ICA1L: variants seen among roughly 807,000 people sequenced by gnomAD.
ICA1L encodes the protein islet cell autoantigen 1-like protein.
Under a neutral mutation model 61.3 loss-of-function variants are expected in ICA1L, and 50 were observed. The ratio of observed to expected loss-of-function variants is 0.82; its 90% CI spans 0.65 to 1.03. The LOEUF is 1.03. Ranked by LOEUF, ICA1L falls within the 50% of genes least tolerant of loss-of-function variation. The pLI, the probability that ICA1L is intolerant of heterozygous loss-of-function variation, is 0.00. For missense variants in ICA1L, 508 were observed against 556.7 expected, an observed-to-expected ratio of 0.91 and a Z score of 0.88; for synonymous variants, 161 against 191.3, an observed-to-expected ratio of 0.84 and a Z score of 1.31.
intron 11 of ICA1L, among the ~76,000 whole-genome samples, chr2:202,787,987 C>T (rs901595871): frequency 1.3e-5 from 2 of 152,186 alleles, no homozygotes; most frequent in African/African-American, 2.4e-5. Flanking sequence ...AGAAGCAACA[C>T]AAGCACAGAT....
intron 1 of ICA1L, among the ~76,000 whole-genome samples, chr2:202,846,524 C>T (rs1161258304): frequency 6.6e-6 from 1 of 152,044 alleles, no homozygotes; most frequent in Non-Finnish European, 1.5e-5. Flanking sequence ...GATTAATTTG[C>T]CAGAGTGGTT....
intron 3 of ICA1L, among the ~76,000 whole-genome samples, chr2:202,823,078 T>C (rs1693742044): frequency 6.6e-6 from 1 of 152,226 alleles, no homozygotes; most frequent in Non-Finnish European, 1.5e-5. Context: ...CTTTGAGTAC[T>C]TGGAATACTT....
At chr2:202,866,444 T>C (rs992813875) in intron 1 of ICA1L, among the ~76,000 whole-genome samples, 2 of 152,146 alleles carry the variant, frequency 1.3e-5, no homozygotes, top group Non-Finnish European at 2.9e-5. Flanking sequence ...TCTTTATAAA[T>C]TACGCAGTCT....
chr2:202,862,042 G>A (rs138196148), intron 1 of ICA1L, among the ~76,000 whole-genome samples: 2 of 141,692 alleles, frequency 1.4e-5, no homozygotes, highest in East Asian at 2.1e-4. Flanking sequence ...TTTTCCCTAA[G>A]AGTAACTGGA....
At chr2:202,815,819 A>G (rs1693516285) in intron 7 of ICA1L, 92 bp downstream of exon 7, 1 of 723,266 alleles carries the variant, frequency 1.4e-6, no homozygotes. Flanking sequence ...TAAATTTTAA[A>G]TTAACCTTGG....
At chr2:202,853,599 A>T (rs1694691834) in intron 1 of ICA1L, among the ~76,000 whole-genome samples, 3 of 152,098 alleles carry the variant, frequency 2.0e-5, no homozygotes, top group East Asian at 3.9e-4. Context: ...AAATTTTTGC[A>T]ATCTACTCAT....
At chr2:202,833,002 C>T (rs1262563190) in intron 1 of ICA1L, among the ~76,000 whole-genome samples, 3 of 151,964 alleles carry the variant, frequency 2.0e-5, no homozygotes, top group East Asian at 3.9e-4. Context: ...ATCCAATAAG[C>T]TAAATGACAA....
chr2:202,828,781 T>G, intron 2 of ICA1L, 67 bp downstream of exon 2: 1 of 1,289,856 alleles, frequency 7.8e-7, no homozygotes, highest in Non-Finnish European at 1.1e-6. Context: ...TGAAAACCTG[T>G]TGCAGTTCCC....
chr2:202,786,417 C>T (rs1053818653), intron 11 of ICA1L, among the ~76,000 whole-genome samples: 3 of 151,788 alleles, frequency 2.0e-5, no homozygotes, highest in Admixed American at 2.0e-4. Flanking sequence ...GGCGCGGTGG[C>T]GGGCGCCTGT....
intron 1 of ICA1L, among the ~76,000 whole-genome samples, chr2:202,834,489 C>T (rs1231292474): frequency 1.3e-5 from 2 of 151,856 alleles, no homozygotes; most frequent in African/African-American, 2.4e-5. Flanking sequence ...ATTAGCTGGG[C>T]GTGGTGCAAG....
At chr2:202,847,703 A>ACATATATATATATATATATATATG (rs71409807) in intron 1 of ICA1L, among the ~76,000 whole-genome samples, 1 of 131,234 alleles carries the variant, frequency 7.6e-6, no homozygotes, top group African/African-American at 2.9e-5. Context: ...AATTATATAT[A>ACATATATATATATATATATATATG]TATATAGTTA....
chr2:202,823,846 T>C, intron 3 of ICA1L, among the ~76,000 whole-genome samples: 1 of 152,222 alleles, frequency 6.6e-6, no homozygotes, highest in East Asian at 1.9e-4. Context: ...ACATTGTCTC[T>C]CTTTTTGTGC....
At chr2:202,813,056 C>T (rs1418283721) in intron 8 of ICA1L, among the ~76,000 whole-genome samples, 3 of 151,966 alleles carry the variant, frequency 2.0e-5, no homozygotes, top group Non-Finnish European at 4.4e-5. Context: ...GTCAGGAGTT[C>T]GAGACCAGCC....
At chr2:202,841,558 G>A in intron 1 of ICA1L, 1 of 710,516 alleles carries the variant, frequency 1.4e-6, no homozygotes, top group Non-Finnish European at 2.6e-6. Context: ...GGCTCAGCAG[G>A]CTCTGGTTGA....
At position 202,773,885 on chromosome 2, in the gene ICA1L, TA is replaced by T; in HGVS notation, c.*5647del. 1.6e-6 allele frequency: 2 copies of T among 1,283,328 alleles called. No homozygotes were observed. Among genetic ancestry groups the T allele is most frequent in the Non-Finnish European group, 2.3e-6 (2 of 884,426 alleles). The allele number at this position is 1,283,328 out of a possible 1,614,324, so 79.5% of individuals were successfully genotyped here. ...CAGAGGCTGAGTGGAACAGTCCTGC[TA>T]AATAAACCAGTGGAATAAGAACAGT... is the stretch of plus-strand genomic sequence containing the variant. On this transcript the variant is annotated 3_prime_UTR_variant, in exon 13 of 13. Transcript: ENST00000358299.
chr2:202,807,086 C>T (rs548605851), intron 9 of ICA1L, among the ~76,000 whole-genome samples: 2 of 152,182 alleles, frequency 1.3e-5, no homozygotes, highest in African/African-American at 2.4e-5. Context: ...TCATTTCCCC[C>T]CTGTACCCCA....
intron 3 of ICA1L, chr2:202,825,453 G>A: frequency 2.8e-6 from 3 of 1,068,694 alleles, no homozygotes; most frequent in Non-Finnish European, 2.4e-6. Context: ...CTGAGTGACA[G>A]AGAAAGACCC....
chr2:202,841,399 G>A (rs1183594867), intron 1 of ICA1L: 2 of 1,140,724 alleles, frequency 1.8e-6, no homozygotes, highest in African/African-American at 1.5e-5. Flanking sequence ...ATCTTCTGCT[G>A]CTGCAGGAGG....
At chr2:202,826,454 A>G (rs1217370900) in intron 2 of ICA1L, among the ~76,000 whole-genome samples, 1 of 152,062 alleles carries the variant, frequency 6.6e-6, no homozygotes, top group Non-Finnish European at 1.5e-5. Flanking sequence ...AGCAAGCATA[A>G]GTTTTACAGT....
Sources: gnomAD v4.1 joint callset for allele counts (sites outside exome capture counted in the v4.1 genomes callset) on GRCh38, gnomAD v4.1.1 for gene constraint, MANE v1.5 for transcripts, NCBI Gene and HGNC (gene_info 2026-07-23, HGNC 2026-07-21) for gene names.